The following RGS6 variants were observed in gnomAD, a reference collection of about 807,000 sequenced individuals.
RGS6 encodes the protein regulator of G-protein signaling 6.
In RGS6, 30 loss-of-function variants were observed where a neutral mutation model predicts 78.5. That is an observed-to-expected ratio of 0.38 (90% CI 0.29 to 0.52). The LOEUF (loss-of-function observed/expected upper bound fraction) is 0.52. Among genes scored for constraint, RGS6 ranks in the 20% least tolerant of loss-of-function variants. The pLI is 0.85. For missense variants in RGS6, 495 were observed against 609.7 expected (o/e 0.81, Z 1.98); for synonymous variants, 206 against 206.0 (o/e 1.00, Z 0.00).
the RGS6 span, among the ~76,000 whole-genome samples, chr14:72,578,487 G>T: frequency 6.6e-6 from 1 of 152,200 alleles, no homozygotes; most frequent in Non-Finnish European, 1.5e-5. Context: ...CCAGTCAAAA[G>T]CTTCCAGCAC....
chr14:72,189,267 G>A (rs1458775388), intron 2 of RGS6, among the ~76,000 whole-genome samples: 3 of 152,124 alleles, frequency 2.0e-5, no homozygotes, highest in Non-Finnish European at 4.4e-5. Flanking sequence ...TGGGCAGTTC[G>A]TTTATTGCTT....
intron 3 of RGS6, among the ~76,000 whole-genome samples, chr14:72,353,979 G>A (rs1468995218): frequency 8.6e-6 from 1 of 116,700 alleles, no homozygotes; most frequent in East Asian, 2.1e-4. Context: ...GCGAGACTCT[G>A]TCTCAGCAAC....
intron 12 of RGS6, among the ~76,000 whole-genome samples, chr14:72,489,024 C>T (rs141748774): frequency 3.0e-3 from 463 of 152,234 alleles, no homozygotes; most frequent in African/African-American, 0.01. Context: ...TCCCCAATAA[C>T]GTAATTAATT....
intron 2 of RGS6, among the ~76,000 whole-genome samples, chr14:72,122,653 G>A (rs2096077848): frequency 6.6e-6 from 1 of 151,978 alleles, no homozygotes; most frequent in African/African-American, 2.4e-5. Flanking sequence ...ATAAGAGCAG[G>A]GACATCACCA....
chr14:72,206,541 A>G (rs2042753667), intron 2 of RGS6, among the ~76,000 whole-genome samples: 1 of 152,174 alleles, frequency 6.6e-6, no homozygotes, highest in Admixed American at 6.5e-5. Flanking sequence ...TTTACAAAAG[A>G]AAGAGGTTTA....
At chr14:72,294,329 G>T (rs930303281) in intron 2 of RGS6, among the ~76,000 whole-genome samples, 7 of 152,336 alleles carry the variant, frequency 4.6e-5, no homozygotes, top group African/African-American at 1.7e-4. Context: ...TACAGACTGG[G>T]AGTAGGTGGT....
At chr14:72,284,972 C>A (rs181375595) in intron 2 of RGS6, among the ~76,000 whole-genome samples, 101 of 152,282 alleles carry the variant, frequency 6.6e-4, no homozygotes, top group Non-Finnish European at 1.2e-3. Flanking sequence ...TGGATGGGAC[C>A]TTTAGCCCCC....
chr14:72,435,272 T>TGTCCTAAGTGTAGAGACCCAGA (rs2153183537), intron 3 of RGS6, among the ~76,000 whole-genome samples: 1 of 152,374 alleles, frequency 6.6e-6, no homozygotes, highest in Admixed American at 6.5e-5. Context: ...ACATTTCTGT[T>TGTCCTAAGTGTAGAGACCCAGA]GTCCTAAGTG....
At chr14:72,109,811 A>G (rs925128880) in intron 2 of RGS6, among the ~76,000 whole-genome samples, 10 of 152,216 alleles carry the variant, frequency 6.6e-5, no homozygotes, top group South Asian at 6.2e-4. Context: ...AATGCTGTGT[A>G]TAACAAAATT....
chr14:72,188,024 T>C (rs538650272), intron 2 of RGS6, among the ~76,000 whole-genome samples: 1 of 152,296 alleles, frequency 6.6e-6, no homozygotes, highest in Non-Finnish European at 1.5e-5. Flanking sequence ...TAAAACATTT[T>C]TCTGCTTTTT....
intron 2 of RGS6, among the ~76,000 whole-genome samples, chr14:71,975,639 A>G (rs2094075805): frequency 1.3e-5 from 2 of 152,068 alleles, no homozygotes; most frequent in African/African-American, 4.8e-5. Flanking sequence ...TTGTATTTTT[A>G]GTACAGTCGG....
At chr14:72,404,212 G>A (rs1215239299) in intron 3 of RGS6, among the ~76,000 whole-genome samples, 1 of 152,188 alleles carries the variant, frequency 6.6e-6, no homozygotes. Flanking sequence ...CAAAGTCGTG[G>A]TTATGACTGT....
chr14:72,209,491 A>G (rs1288619074), intron 2 of RGS6, among the ~76,000 whole-genome samples: 1 of 152,142 alleles, frequency 6.6e-6, no homozygotes, highest in Non-Finnish European at 1.5e-5. Flanking sequence ...ATTCAAAGTC[A>G]CCTTAAGTGA....
At chr14:72,306,617 T>C (rs1043833067) in intron 2 of RGS6, among the ~76,000 whole-genome samples, 1 of 152,190 alleles carries the variant, frequency 6.6e-6, no homozygotes, top group African/African-American at 2.4e-5. Flanking sequence ...TGGATGACTT[T>C]GGAGGGGTTC....
Position 72,548,342 on chromosome 14 carries a change from T to TGTGTGTGTGTGTGTGCGCGC in RGS6, c.1422+8249_1422+8250insTGTGTGTGTGTGTGCGCGCG, listed in dbSNP as rs796698263. 1.9e-4 allele frequency among the ~76,000 whole-genome samples: 25 copies of TGTGTGTGTGTGTGTGCGCGC among 134,828 alleles called. No individual in the cohort carries two copies. In the East Asian group the frequency reaches 2.0e-3, roughly 11 times the overall value. 88.5% of individuals were successfully genotyped at this position (134,828 alleles called of 152,430 possible). Reference sequence around the variant, plus strand: ...CAGATCATATTTGTGTGTGTGTGTGTGCGCGCGTGTGTGTGTGTGTGTGTG... The same window carrying TGTGTGTGTGTGTGTGCGCGC: ...CAGATCATATTTGTGTGTGTGTGTGTGTGTGTGTGTGTGTGCGCGCGCGCGCGTGTGTGTGTGTGTGTGTG... On this transcript the variant is annotated intron_variant, in intron 17 of 17. Transcript: ENST00000553525.
chr14:71,961,769 A>G (rs138119194), intron 1 of RGS6, among the ~76,000 whole-genome samples: 3 of 152,300 alleles, frequency 2.0e-5, no homozygotes, highest in Admixed American at 6.5e-5. Context: ...ACATTCTTCA[A>G]ATGTTAATAT....
intron 2 of RGS6, among the ~76,000 whole-genome samples, chr14:72,123,699 C>T (rs1043738681): frequency 1.7e-4 from 26 of 152,086 alleles, no homozygotes; most frequent in African/African-American, 6.0e-4. Context: ...GACTGAATTT[C>T]GAAGTTTAGG....
chr14:72,238,239 G>A (rs1328544630), intron 2 of RGS6, among the ~76,000 whole-genome samples: 2 of 152,152 alleles, frequency 1.3e-5, no homozygotes, highest in Admixed American at 6.5e-5. Context: ...TTGTCTCTCT[G>A]CCAGCTAAGG....
chr14:72,249,335 C>T (rs1328106759), intron 2 of RGS6, among the ~76,000 whole-genome samples: 1 of 152,192 alleles, frequency 6.6e-6, no homozygotes, highest in Non-Finnish European at 1.5e-5. Context: ...ATAAGAGTCT[C>T]TAGTGATTTA....
Sources: allele counts gnomAD v4.1 joint callset (sites outside exome capture counted in the v4.1 genomes callset), GRCh38; gene constraint gnomAD v4.1.1; transcripts MANE v1.5; gene names NCBI Gene and HGNC (gene_info 2026-07-23, HGNC 2026-07-21).